The following DOCK10 variants were observed in gnomAD, a reference collection of about 807,000 sequenced individuals.
DOCK10 encodes the protein dedicator of cytokinesis protein 10.
In DOCK10, 145 loss-of-function variants were observed where a neutral mutation model predicts 280.1. The observed-to-expected ratio is 0.52, with a 90% CI of 0.45 to 0.59. The LOEUF (loss-of-function observed/expected upper bound fraction) is 0.59, where lower values mean the gene tolerates loss of function less well. Ranked by LOEUF, DOCK10 falls within the 20% of genes least tolerant of loss-of-function variation. The probability of loss-of-function intolerance (pLI) is 0.00; values close to 1 mark genes in which losing one functional copy is unlikely to be tolerated. For missense variants in DOCK10, 2,368 were observed against 2,651.7 expected (o/e 0.89, Z 2.35); for synonymous variants, 915 against 942.2 (o/e 0.97, Z 0.53).
In DOCK10 at chr2:224,855,102, G is replaced by C. The variant is rs914416763; in HGVS notation, c.1809-60C>G. The C allele has an allele frequency of 2.1e-4, 76 of 366,506 alleles. No homozygotes were observed. The African/African-American group carries it at 2.2e-3, about 11-fold the overall frequency. The allele number at this position is 366,506 out of a possible 1,614,324, so 22.7% of individuals were successfully genotyped here. ...ACACACACACACACACACACACACA[G>C]AGTATTATTCCAATTTTCAAGGAAA... On this transcript the variant is annotated intron_variant, in intron 15 of 55. Coordinates refer to ENST00000258390, the MANE Select transcript of DOCK10 (RefSeq NM_014689.3).
chr2:224,941,747 G>A (rs949681329), intron 1 of DOCK10, among the ~76,000 whole-genome samples: 2 of 151,842 alleles, frequency 1.3e-5, no homozygotes, highest in African/African-American at 4.8e-5. Flanking sequence ...GAGAGACCGA[G>A]GCAGGAGAAT....
At chr2:224,961,530 C>T (rs1049395289) in intron 1 of DOCK10, among the ~76,000 whole-genome samples, 6 of 123,762 alleles carry the variant, frequency 4.8e-5, no homozygotes, top group Admixed American at 3.5e-4. Flanking sequence ...TTTTTTGAGA[C>T]GGAGCCTCGC....
intron 55 of DOCK10, among the ~76,000 whole-genome samples, chr2:224,766,208 G>T (rs966466670): frequency 2.6e-5 from 4 of 152,128 alleles, no homozygotes; most frequent in African/African-American, 4.8e-5. Flanking sequence ...TTAAATGTTT[G>T]CATAAAAGGA....
rs146452911 is a variant in DOCK10, at chr2:224,796,627, A to G, written c.4828-201T>C. On this transcript the variant is annotated intron_variant, in intron 43 of 55. Coordinates refer to ENST00000258390, the MANE Select transcript of DOCK10 (RefSeq NM_014689.3). ...TAAATACCTAAGAGAGGCTGCAGGA[A>G]TCTTGGAATCTTGGGATGCCTAGAA... Among the ~76,000 whole-genome samples, 636 of 152,320 alleles carry G rather than the reference A, an allele frequency of 4.2e-3. 2 individuals are homozygous for G. Among genetic ancestry groups the G allele is most frequent in the Non-Finnish European group, 6.4e-3 (436 of 68,018 alleles).
chr2:224,893,927 G>C (rs1311989497), intron 4 of DOCK10, among the ~76,000 whole-genome samples: 1 of 152,180 alleles, frequency 6.6e-6, no homozygotes, highest in Non-Finnish European at 1.5e-5. Context: ...GTAGTCTTTA[G>C]AGGGGAATGC....
At position 225,004,639 on chromosome 2, in the gene DOCK10, C is replaced by T. The variant is rs10202722; in HGVS notation, c.123+37613G>A. On this transcript the variant is annotated intron_variant, in intron 1 of 55. Transcript: ENST00000258390. Reference sequence around the variant, plus strand: ...GGGGGAGCTGTGTTTGAATTGACATCCTTCTGACTCAAGCACCTGTGCTCT... The same window carrying T: ...GGGGGAGCTGTGTTTGAATTGACATTCTTCTGACTCAAGCACCTGTGCTCT... Among the ~76,000 whole-genome samples the T allele has an allele frequency of 3.5e-3, 540 of 152,306 alleles. 1 individual carries two copies. Among genetic ancestry groups the T allele is most frequent in the African/African-American group, 0.012 (513 of 41,566 alleles).
At chr2:224,842,044 T>C in intron 22 of DOCK10, 148 bp from the exon 23 acceptor site, 1 of 613,270 alleles carries the variant, frequency 1.6e-6, no homozygotes, top group Non-Finnish European at 2.9e-6. Context: ...AACAAAGCTT[T>C]GATGTGGACA....
chr2:224,770,781 T>C lies in DOCK10; in HGVS notation c.6205-136A>G, dbSNP rs996051107. On this transcript the variant is annotated intron_variant, in intron 53 of 55. Transcript: ENST00000258390. This position sits in a 1 kb window ranked among gnomAD's most constrained non-coding sequence, Gnocchi z 4.5. Reference sequence around the variant, plus strand: ...CTGCCTTCTAGTCCACTCATTTGTATACCTGACTTAGCTGCTGTCCTCCAA... The same window carrying C: ...CTGCCTTCTAGTCCACTCATTTGTACACCTGACTTAGCTGCTGTCCTCCAA... 2.2e-5 allele frequency: 14 copies of C among 636,638 alleles called. No individual in the cohort carries two copies. The highest frequency in any genetic ancestry group is 3.4e-5 in the Non-Finnish European group (12 of 357,480). 39.4% of individuals were successfully genotyped at this position (636,638 alleles called of 1,614,324 possible). A position where few individuals can be genotyped will look rare whatever the true frequency, so the allele number is the denominator to read the frequency against.
At chr2:224,811,512 G>C (rs1214557802) in intron 31 of DOCK10, among the ~76,000 whole-genome samples, 1 of 151,914 alleles carries the variant, frequency 6.6e-6, no homozygotes, top group African/African-American at 2.4e-5. Flanking sequence ...TGTCAATTTT[G>C]GCTTTTGTTG....
At chr2:224,802,870 G>A (rs1408892636) in intron 39 of DOCK10, among the ~76,000 whole-genome samples, 2 of 152,058 alleles carry the variant, frequency 1.3e-5, no homozygotes, top group Non-Finnish European at 2.9e-5. Context: ...TGAGGCAGTG[G>A]TCTTCTCTTT....
At chr2:224,927,340 T>C (rs1017542941) in intron 2 of DOCK10, among the ~76,000 whole-genome samples, 3 of 152,210 alleles carry the variant, frequency 2.0e-5, no homozygotes, top group African/African-American at 4.8e-5. Flanking sequence ...GGGAAGCCAC[T>C]GAGAAGTTTT....
intron 41 of DOCK10, among the ~76,000 whole-genome samples, chr2:224,799,373 T>A (rs2125160889): frequency 6.6e-6 from 1 of 152,392 alleles, no homozygotes; most frequent in African/African-American, 2.4e-5. Flanking sequence ...TAGTCTATTG[T>A]ATGGATATAC....
intron 11 of DOCK10, among the ~76,000 whole-genome samples, chr2:224,866,391 T>A (rs1320822139): frequency 6.6e-6 from 1 of 152,200 alleles, no homozygotes. Flanking sequence ...CTTCATTGTG[T>A]CTAGAGCACA....
chr2:224,968,237 C>T (rs1043272111), intron 1 of DOCK10, among the ~76,000 whole-genome samples: 2 of 152,082 alleles, frequency 1.3e-5, no homozygotes, highest in African/African-American at 2.4e-5. Flanking sequence ...TTTTGCTGAC[C>T]GAAATAATTC....
At chr2:224,984,435 T>C (rs1575149127) in intron 1 of DOCK10, among the ~76,000 whole-genome samples, 1 of 152,190 alleles carries the variant, frequency 6.6e-6, no homozygotes, top group Non-Finnish European at 1.5e-5. Context: ...GCTATTACAG[T>C]CCCGCCTTTA....
Position 224,837,790 on chromosome 2 carries a change from A to C in DOCK10, c.2822T>G (p.Leu941Arg), listed in dbSNP as rs531904603. Residue 941 changes from leucine to arginine, a missense_variant, in exon 25 of 56, where the codon CTG (leucine) becomes CGG (arginine). Around this residue, in one of 2 missense-constraint regions of DOCK10, gnomAD observed 1,209 missense variants for 1,250.9 expected, o/e 0.97. Transcript: ENST00000258390. ...DIVAKCHEEQ[L>R]DHSVQSYIKF... is the part of the protein sequence containing the mutation. ...AATATATGACTGGACAGAATGATCC[A>C]GCTGCTCCTCATGGCACTTGGCCAC... is the stretch of plus-strand genomic sequence containing the variant. 1.2e-5 allele frequency: 20 copies of C among 1,613,994 alleles called. No homozygotes were observed. In the East Asian group the frequency reaches 4.2e-4, roughly 34 times the overall value.
intron 55 of DOCK10, among the ~76,000 whole-genome samples, chr2:224,767,809 G>C (rs1690158163): frequency 6.6e-6 from 1 of 152,124 alleles, no homozygotes; most frequent in African/African-American, 2.4e-5. Flanking sequence ...TCTAGTGTTC[G>C]GCTATTGAGC....
At chr2:224,972,633 C>T (rs1339412105) in intron 1 of DOCK10, among the ~76,000 whole-genome samples, 2 of 152,094 alleles carry the variant, frequency 1.3e-5, no homozygotes, top group Non-Finnish European at 2.9e-5. Flanking sequence ...TCAGTTGTAC[C>T]TACTGAACTT....
rs186960932 is a variant in DOCK10 at position 224,966,267 on chromosome 2, G to T, written c.124-34599C>A. Among the ~76,000 whole-genome samples the T allele has an allele frequency of 2.6e-3, 395 of 151,888 alleles. 1 individual carries two copies. The highest frequency in any genetic ancestry group is 8.6e-3 in the African/African-American group (358 of 41,430). On this transcript the variant is annotated intron_variant, in intron 1 of 55. Coordinates refer to ENST00000258390, the MANE Select transcript of DOCK10 (RefSeq NM_014689.3). Reference sequence around the variant, plus strand: ...ACTTAAAAATTATATCGGCAACTAGGAAAGCACAATTGGATGGTGCCCCAC... The same window carrying T: ...ACTTAAAAATTATATCGGCAACTAGTAAAGCACAATTGGATGGTGCCCCAC...
Sources: allele counts gnomAD v4.1 joint callset (sites outside exome capture counted in the v4.1 genomes callset), GRCh38; gene constraint gnomAD v4.1.1; regional missense constraint gnomAD v4.1.1; non-coding constraint Gnocchi (gnomAD v3.1); transcripts MANE v1.5; gene names NCBI Gene and HGNC (gene_info 2026-07-23, HGNC 2026-07-21).